Variants in RAB1B observed in about 807,000 individuals in gnomAD.
RAB1B encodes ras-related protein Rab-1B.
A neutral mutation model predicts 24.8 loss-of-function variants in RAB1B; 10 were observed. The observed-to-expected ratio is 0.40, with a 90% confidence interval of 0.25 to 0.68. The LOEUF (loss-of-function observed/expected upper bound fraction) is 0.68, where lower values mean the gene tolerates loss of function less well. Among genes scored for constraint, RAB1B ranks in the 30% least tolerant of loss-of-function variants. The pLI is 0.37. For synonymous variants in RAB1B, 99 were observed against 111.7 expected, an observed-to-expected ratio of 0.89 and a Z score of 0.72; for missense variants, 154 against 271.2, an observed-to-expected ratio of 0.57 and a Z score of 3.04.
rs777359359 is a variant in RAB1B at position 66,272,387 on chromosome 11, G to A, written c.206G>A (p.Arg69Gln). Residue 69 changes from arginine (R) to glutamine (Q), a missense_variant, in exon 4 of 6, where the codon CGG becomes CAG. Transcript: ENST00000311481. ...LQIWDTAGQE[R>Q]FRTITSSYYR... The stretch of plus-strand genomic sequence containing the variant: ...TAGTGGGACACAGCGGGCCAGGAAC[G>A]GTTCCGGACCATCACTTCCAGCTAC... 2 of 1,610,136 alleles carry A rather than the reference G, an allele frequency of 1.2e-6. No individual in the cohort carries two copies. Among genetic ancestry groups the A allele is most frequent in the South Asian group, 1.1e-5 (1 of 90,660 alleles).
At chr11:66,275,436 G>A (rs1565182355) in intron 4 of RAB1B, among the ~76,000 whole-genome samples, 2 of 152,238 alleles carry the variant, frequency 1.3e-5, no homozygotes, top group Middle Eastern at 6.8e-3. Flanking sequence ...TGGCTCTTGC[G>A]GACCCGTTAC....
intron 4 of RAB1B, 107 bp from the exon 5 acceptor site, chr11:66,275,697 T>C (rs1318326228): frequency 1.6e-6 from 2 of 1,276,722 alleles, no homozygotes; most frequent in African/African-American, 3.0e-5. Flanking sequence ...AGCCCAGGAC[T>C]TAAGGGGCCC....
chr11:66,274,886 A>T (rs963805672), intron 4 of RAB1B, among the ~76,000 whole-genome samples: 3 of 148,210 alleles, frequency 2.0e-5, no homozygotes, highest in African/African-American at 7.5e-5. Context: ...CTGGCTCCCC[A>T]GCTGGCACCT....
intron 1 of RAB1B, among the ~76,000 whole-genome samples, chr11:66,268,897 A>G (rs1481871051): frequency 8.3e-5 from 9 of 108,192 alleles, no homozygotes. Flanking sequence ...GAGCCCTCGC[A>G]CCCGGGGCCC....
chr11:66,270,687 C>G (rs1353116118), intron 1 of RAB1B: 1 of 152,304 alleles, frequency 6.6e-6, no homozygotes, highest in East Asian at 1.9e-4. Context: ...GTAGCTGGAA[C>G]CACAGGCACA....
At chr11:66,271,646 G>A (rs1857059503) in intron 1 of RAB1B, 151 bp from the exon 2 acceptor site, 2 of 600,842 alleles carry the variant, frequency 3.3e-6, no homozygotes, top group South Asian at 3.8e-5. Context: ...ACTGTAGCCT[G>A]GGTGACAGAG....
chr11:66,268,728 C>G (rs755207573), intron 1 of RAB1B, 35 bp downstream of exon 1: 4 of 1,554,882 alleles, frequency 2.6e-6, no homozygotes, highest in Non-Finnish European at 3.5e-6. Flanking sequence ...CCAGCGCAGC[C>G]TCGATCCCGA....
chr11:66,268,806 G>T (rs1011446506), intron 1 of RAB1B, 113 bp downstream of exon 1: 27 of 1,084,354 alleles, frequency 2.5e-5, no homozygotes, highest in Non-Finnish European at 3.3e-5. Flanking sequence ...CCCACATCCG[G>T]GTCCCTCTTC....
intron 1 of RAB1B, among the ~76,000 whole-genome samples, chr11:66,269,378 T>C (rs1057282431): frequency 1.3e-5 from 2 of 152,192 alleles, no homozygotes; most frequent in Non-Finnish European, 2.9e-5. Flanking sequence ...CTGTGAAGTT[T>C]AGATGAATAT....
At chr11:66,274,200 C>G (rs1055699444) in intron 4 of RAB1B, among the ~76,000 whole-genome samples, 12 of 152,278 alleles carry the variant, frequency 7.9e-5, no homozygotes, top group Non-Finnish European at 1.3e-4. Flanking sequence ...TTCCCTCCCC[C>G]ATCCAGTCAG....
chr11:66,269,166 G>A (rs1857007335), intron 1 of RAB1B, among the ~76,000 whole-genome samples: 1 of 152,086 alleles, frequency 6.6e-6, no homozygotes, highest in Non-Finnish European at 1.5e-5. Flanking sequence ...CGGCCCAGAA[G>A]CTAGCCAACT....
At chr11:66,274,187 C>A (rs1857105113) in intron 4 of RAB1B, among the ~76,000 whole-genome samples, 1 of 152,124 alleles carries the variant, frequency 6.6e-6, no homozygotes, top group South Asian at 2.1e-4. Context: ...GACCAGAAAA[C>A]TCTTCCCTCC....
At position 66,271,786 on chromosome 11, in the gene RAB1B, T is replaced by C; in HGVS notation, c.15-11T>C. ...TGCCTCCCTTCACGCCTTCCCATCT[T>C]CTCTCTCCAGTGACTACCTGTTTAA... On this transcript the variant is annotated splice_polypyrimidine_tract_variant and intron_variant, in intron 1 of 5. Transcript: ENST00000311481. The C allele has an allele frequency of 6.2e-7, 1 of 1,612,346 alleles. No individual in the cohort carries two copies. Among genetic ancestry groups the C allele is most frequent in the Non-Finnish European group, 8.5e-7 (1 of 1,178,424 alleles).
intron 1 of RAB1B, chr11:66,271,545 C>A: frequency 3.2e-6 from 1 of 311,870 alleles, no homozygotes; most frequent in Non-Finnish European, 5.9e-6. Flanking sequence ...TGGTGGACAC[C>A]TGAAGTCCCA....
Position 66,276,431 on chromosome 11 carries a change from G to T in RAB1B, c.*193G>T. The T allele has an allele frequency of 3.4e-6, 2 of 584,804 alleles. No homozygotes were observed. The highest frequency in any genetic ancestry group is 3.7e-5 in the Admixed American group (1 of 27,302). 36.2% of individuals were successfully genotyped at this position (584,804 alleles called of 1,614,324 possible). Reference sequence around the variant, plus strand: ...CGGTTCTGTCAGGGTCCCTAAGGGAGGACACTCAGGGCCTGTGGCCAGGCA... The same window carrying T: ...CGGTTCTGTCAGGGTCCCTAAGGGATGACACTCAGGGCCTGTGGCCAGGCA... On this transcript the variant is annotated 3_prime_UTR_variant, in exon 6 of 6. Transcript: ENST00000311481.
intron 4 of RAB1B, among the ~76,000 whole-genome samples, chr11:66,274,345 A>G (rs1376093903): frequency 6.6e-6 from 1 of 152,196 alleles, no homozygotes; most frequent in Non-Finnish European, 1.5e-5. Flanking sequence ...CATTCTCTTC[A>G]TGCTCACAAT....
At chr11:66,268,889 G>A (rs1455140855) in intron 1 of RAB1B, among the ~76,000 whole-genome samples, 196 bp downstream of exon 1, 1 of 114,864 alleles carries the variant, frequency 8.7e-6, no homozygotes. Flanking sequence ...AAAACCCCGA[G>A]CCCTCGCACC....
At chr11:66,274,928 C>T (rs779694917) in intron 4 of RAB1B, among the ~76,000 whole-genome samples, 1 of 152,052 alleles carries the variant, frequency 6.6e-6, no homozygotes, top group South Asian at 2.1e-4. Flanking sequence ...CACCTGCAGG[C>T]TTAGGTCCAC....
chr11:66,271,699 A>T (rs1463656076), intron 1 of RAB1B, 98 bp from the exon 2 acceptor site: 5 of 816,380 alleles, frequency 6.1e-6, no homozygotes, highest in African/African-American at 3.4e-5. Context: ...AAACCAAGGG[A>T]TGCCTCATGG....
Sources: allele counts gnomAD v4.1 joint callset (sites outside exome capture counted in the v4.1 genomes callset), GRCh38; gene constraint gnomAD v4.1.1; transcripts MANE v1.5; gene names NCBI Gene and HGNC (gene_info 2026-07-23, HGNC 2026-07-21).